HHAT: variants seen among roughly 807,000 people sequenced by gnomAD.
HHAT encodes protein-cysteine N-palmitoyltransferase HHAT.
Under a neutral mutation model 70.8 loss-of-function variants are expected in HHAT, and 47 were observed. The ratio of observed to expected loss-of-function variants is 0.66; its 90% CI spans 0.53 to 0.85. HHAT has a LOEUF of 0.85. HHAT is among the 40% of genes least tolerant of loss of function. The probability of loss-of-function intolerance (pLI) is 0.00; values close to 1 mark genes in which losing one functional copy is unlikely to be tolerated. For missense variants in HHAT, 609 were observed against 604.8 expected (o/e 1.01, Z -0.07); for synonymous variants, 228 against 247.6 (o/e 0.92, Z 0.74).
At chr1:210,418,926 G>C (rs1417691744) in intron 7 of HHAT, among the ~76,000 whole-genome samples, 1 of 152,072 alleles carries the variant, frequency 6.6e-6, no homozygotes, top group Non-Finnish European at 1.5e-5. Context: ...CCAGCTACTC[G>C]AGAGGCTGAG....
At chr1:210,334,668 C>T (rs1415292583) in intron 1 of HHAT, among the ~76,000 whole-genome samples, 4 of 151,520 alleles carry the variant, frequency 2.6e-5, no homozygotes, top group African/African-American at 9.7e-5. Flanking sequence ...ATACACCCTA[C>T]CTTTTTATTT....
At chr1:210,661,940 A>C (rs9429840) in intron 11 of HHAT, among the ~76,000 whole-genome samples, 9,839 of 152,296 alleles carry the variant, frequency 0.065, 821 homozygotes, top group East Asian at 0.22. Context: ...ATATGTAACA[A>C]ACCTGCATGT....
At chr1:210,347,366 A>C (rs1302099073) in intron 1 of HHAT, among the ~76,000 whole-genome samples, 22 of 152,172 alleles carry the variant, frequency 1.4e-4, no homozygotes. Flanking sequence ...TGTTGTGAAA[A>C]CAAAATGAGA....
chr1:210,642,256 A>G (rs953495802), intron 11 of HHAT, among the ~76,000 whole-genome samples: 2 of 152,214 alleles, frequency 1.3e-5, no homozygotes, highest in African/African-American at 4.8e-5. Context: ...TCATTGCTGT[A>G]CAGTATTTCG....
chr1:210,630,381 T>A (rs1255334503), intron 11 of HHAT, among the ~76,000 whole-genome samples: 2 of 152,222 alleles, frequency 1.3e-5, no homozygotes, highest in East Asian at 3.8e-4. Flanking sequence ...CACCCCTTGG[T>A]GACACCACTA....
chr1:210,425,493 T>C (rs4845021), intron 7 of HHAT, among the ~76,000 whole-genome samples: 66,728 of 152,000 alleles, frequency 0.44, 14,797 homozygotes, highest in Admixed American at 0.53. Context: ...TTTATGTCTT[T>C]AATCGATCTT....
At chr1:210,421,918 T>G (rs1163018236) in intron 7 of HHAT, among the ~76,000 whole-genome samples, 1 of 152,132 alleles carries the variant, frequency 6.6e-6, no homozygotes, top group Non-Finnish European at 1.5e-5. Context: ...TTTTATGTTG[T>G]TTTTTTGACA....
At chr1:210,617,899 T>G (rs1668062249) in intron 10 of HHAT, among the ~76,000 whole-genome samples, 1 of 152,204 alleles carries the variant, frequency 6.6e-6, no homozygotes, top group Admixed American at 6.5e-5. Flanking sequence ...ATGTATTCAT[T>G]CAGCTTGGAT....
chr1:210,357,314 C>T (rs903857864), intron 2 of HHAT, among the ~76,000 whole-genome samples: 30 of 152,224 alleles, frequency 2.0e-4, no homozygotes, highest in African/African-American at 1.9e-4. Context: ...TACTCCCAAC[C>T]TTTCTCCCCT....
chr1:210,367,767 T>C (rs960110318), intron 3 of HHAT, among the ~76,000 whole-genome samples: 1 of 152,226 alleles, frequency 6.6e-6, no homozygotes, highest in Non-Finnish European at 1.5e-5. Flanking sequence ...TAATGCTGAT[T>C]GCACTTGCCA....
chr1:210,409,344 GC>G (rs1558458733), intron 6 of HHAT, among the ~76,000 whole-genome samples: 1 of 152,108 alleles, frequency 6.6e-6, no homozygotes, highest in African/African-American at 2.4e-5. Flanking sequence ...ATGGAGTGTG[GC>G]CTAGTGGACA....
intron 7 of HHAT, among the ~76,000 whole-genome samples, chr1:210,462,172 C>T (rs1402519564): frequency 6.6e-6 from 1 of 152,066 alleles, no homozygotes; most frequent in Non-Finnish European, 1.5e-5. Flanking sequence ...ACCCATTTTT[C>T]CTGATTTGGC....
rs78705525 is a variant in HHAT at position 210,500,992 on chromosome 1, G to A, written c.1008-12161G>A. Among the ~76,000 whole-genome samples, 373 of 152,284 alleles carry A rather than the reference G, an allele frequency of 2.4e-3. 7 individuals are homozygous for A. In the East Asian group the frequency reaches 0.046, roughly 19 times the overall value. ...AGCTCCTCTGGGAAGCCCTTCCTGC[G>A]CGCCTCTCCTGCCCTCCCCCATGCT... On this transcript the variant is annotated intron_variant, in intron 8 of 11. Transcript: ENST00000261458.
intron 2 of HHAT, among the ~76,000 whole-genome samples, chr1:210,359,736 G>A (rs1211037202): frequency 1.3e-5 from 2 of 152,068 alleles, no homozygotes; most frequent in Non-Finnish European, 1.5e-5. Context: ...GCATAGTGGT[G>A]CACACCTGTA....
At chr1:210,530,297 A>G (rs1167982120) in intron 9 of HHAT, among the ~76,000 whole-genome samples, 3 of 152,204 alleles carry the variant, frequency 2.0e-5, no homozygotes, top group Non-Finnish European at 2.9e-5. Flanking sequence ...TAGGAAATAC[A>G]TATTCTAGTA....
intron 11 of HHAT, among the ~76,000 whole-genome samples, chr1:210,649,843 G>A (rs1356623867): frequency 1.3e-5 from 2 of 152,184 alleles, no homozygotes; most frequent in African/African-American, 4.8e-5. Context: ...GAAGTTAAAA[G>A]CAATAAAACC....
chr1:210,538,104 A>T (rs1265855149), intron 9 of HHAT, among the ~76,000 whole-genome samples: 2 of 150,556 alleles, frequency 1.3e-5, no homozygotes, highest in Non-Finnish European at 1.5e-5. Context: ...CTCCATACAG[A>T]CCTTTATGAG....
chr1:210,467,708 G>C (rs2094133599), intron 8 of HHAT, among the ~76,000 whole-genome samples: 1 of 152,180 alleles, frequency 6.6e-6, no homozygotes, highest in Non-Finnish European at 1.5e-5. Flanking sequence ...ACAATCTCCA[G>C]AGATGACTTA....
intron 9 of HHAT, among the ~76,000 whole-genome samples, chr1:210,521,781 TC>T (rs373763980): frequency 6.6e-6 from 1 of 152,292 alleles, no homozygotes; most frequent in East Asian, 1.9e-4. Flanking sequence ...TTTTTTGGTG[TC>T]CCCTTAGGAC....
Sources: gnomAD v4.1 joint callset for allele counts (sites outside exome capture counted in the v4.1 genomes callset) on GRCh38, gnomAD v4.1.1 for gene constraint, MANE v1.5 for transcripts, NCBI Gene and HGNC (gene_info 2026-07-23, HGNC 2026-07-21) for gene names.